PLEKHA7: variants seen among roughly 807,000 people sequenced by gnomAD.
PLEKHA7 encodes pleckstrin homology domain-containing family A member 7.
A neutral mutation model predicts 170.0 loss-of-function variants in PLEKHA7; 104 were observed. That is an observed-to-expected ratio of 0.61 (90% CI 0.52 to 0.72). The LOEUF (loss-of-function observed/expected upper bound fraction) is 0.72. Among genes scored for constraint, PLEKHA7 ranks in the 30% least tolerant of loss-of-function variants. The probability of loss-of-function intolerance (pLI) is 0.00; values close to 1 mark genes in which losing one functional copy is unlikely to be tolerated. For missense variants in PLEKHA7, 1,615 were observed against 1,671.7 expected, an observed-to-expected ratio of 0.97 and a Z score of 0.59; for synonymous variants, 648 against 660.8, an observed-to-expected ratio of 0.98 and a Z score of 0.30.
At chr11:16,991,707 G>A (rs545252034) in intron 3 of PLEKHA7, among the ~76,000 whole-genome samples, 2 of 152,278 alleles carry the variant, frequency 1.3e-5, no homozygotes, top group South Asian at 2.1e-4. Flanking sequence ...CATGGGCCAC[G>A]AAGGATTCTG....
intron 13 of PLEKHA7, among the ~76,000 whole-genome samples, chr11:16,807,932 G>A (rs1849102850): frequency 6.6e-6 from 1 of 152,220 alleles, no homozygotes; most frequent in South Asian, 2.1e-4. Context: ...TATGCAGCCA[G>A]GATTGAGAAG....
At chr11:16,894,983 A>G (rs538871796) in intron 3 of PLEKHA7, among the ~76,000 whole-genome samples, 1 of 152,282 alleles carries the variant, frequency 6.6e-6, no homozygotes, top group Admixed American at 6.5e-5. Context: ...GAAACTGAGG[A>G]TCAGAAAAAT....
At chr11:16,953,074 G>A (rs1478662644) in intron 3 of PLEKHA7, among the ~76,000 whole-genome samples, 2 of 152,230 alleles carry the variant, frequency 1.3e-5, no homozygotes. Flanking sequence ...ACACAGGGAG[G>A]TCAAAGAAAA....
intron 3 of PLEKHA7, among the ~76,000 whole-genome samples, chr11:16,907,320 C>T (rs1397029762): frequency 1.0e-4 from 14 of 134,948 alleles, no homozygotes; most frequent in African/African-American, 1.7e-4. Flanking sequence ...CGCCTCTGCC[C>T]GGCCGCCCCT....
At chr11:16,995,567 A>G (rs1864291864) in intron 3 of PLEKHA7, among the ~76,000 whole-genome samples, 1 of 152,162 alleles carries the variant, frequency 6.6e-6, no homozygotes, top group Non-Finnish European at 1.5e-5. Context: ...AGTTAGTCAC[A>G]TGCCACCTGA....
At chr11:16,946,998 A>C (rs1861070537) in intron 3 of PLEKHA7, among the ~76,000 whole-genome samples, 1 of 152,178 alleles carries the variant, frequency 6.6e-6, no homozygotes, top group South Asian at 2.1e-4. Flanking sequence ...TGCTGGTTCC[A>C]AAACGCAGCT....
At chr11:16,911,090 T>C (rs1858214696) in intron 3 of PLEKHA7, among the ~76,000 whole-genome samples, 1 of 152,270 alleles carries the variant, frequency 6.6e-6, no homozygotes, top group Non-Finnish European at 1.5e-5. Context: ...TGTGCATTTT[T>C]AACAAGCACC....
chr11:16,820,624 G>A (rs1850138611), intron 10 of PLEKHA7, among the ~76,000 whole-genome samples: 1 of 152,182 alleles, frequency 6.6e-6, no homozygotes, highest in Non-Finnish European at 1.5e-5. Flanking sequence ...TGTTCATTCT[G>A]CCAGAAGCAA....
chr11:16,985,756 AG>A (rs1763824849), intron 3 of PLEKHA7, among the ~76,000 whole-genome samples: 1 of 152,250 alleles, frequency 6.6e-6, no homozygotes, highest in Non-Finnish European at 1.5e-5. Flanking sequence ...AGAGACAGAG[AG>A]ACATTACACA....
At chr11:16,892,434 GTTTT>G (rs1350582834) in intron 3 of PLEKHA7, among the ~76,000 whole-genome samples, 1 of 109,024 alleles carries the variant, frequency 9.2e-6, no homozygotes, top group African/African-American at 4.2e-5. Flanking sequence ...GTGTGTGTGT[GTTTT>G]GTTTTGTTTT....
intron 8 of PLEKHA7, among the ~76,000 whole-genome samples, chr11:16,850,089 G>T (rs1234641164): frequency 7.9e-5 from 12 of 152,140 alleles, no homozygotes; most frequent in African/African-American, 2.9e-4. Context: ...TCACACCATG[G>T]ACACCACAGA....
chr11:16,821,566 T>C (rs1176996575), intron 10 of PLEKHA7, among the ~76,000 whole-genome samples: 1 of 152,216 alleles, frequency 6.6e-6, no homozygotes, highest in Admixed American at 6.5e-5. Context: ...CCCAATGTCT[T>C]AATGTGCTCA....
At chr11:16,806,670 T>C (rs979898408) in intron 13 of PLEKHA7, among the ~76,000 whole-genome samples, 2 of 152,226 alleles carry the variant, frequency 1.3e-5, no homozygotes, top group African/African-American at 4.8e-5. Flanking sequence ...GGTGGCATTT[T>C]ATTCTAGTCC....
At chr11:16,885,597 T>C (rs989170553) in intron 3 of PLEKHA7, among the ~76,000 whole-genome samples, 2 of 149,318 alleles carry the variant, frequency 1.3e-5, no homozygotes, top group Non-Finnish European at 3.0e-5. Context: ...TAAAGGAAGA[T>C]GACAAAAATT....
At chr11:17,002,515 T>G (rs1266802323) in intron 3 of PLEKHA7, among the ~76,000 whole-genome samples, 1 of 152,112 alleles carries the variant, frequency 6.6e-6, no homozygotes, top group Non-Finnish European at 1.5e-5. Flanking sequence ...GGTTCAAGTC[T>G]TAAACCCCTC....
At chr11:16,861,168 C>A (rs1006404718) in intron 4 of PLEKHA7, among the ~76,000 whole-genome samples, 4 of 152,080 alleles carry the variant, frequency 2.6e-5, no homozygotes, top group African/African-American at 9.7e-5. Context: ...TTGTTTAAAG[C>A]ACAGTAATTC....
At chr11:16,917,740 TG>T (rs1374050620) in intron 3 of PLEKHA7, among the ~76,000 whole-genome samples, 1 of 152,256 alleles carries the variant, frequency 6.6e-6, no homozygotes, top group Non-Finnish European at 1.5e-5. Context: ...TCACAGGTTC[TG>T]GGTATTAGCA....
intron 3 of PLEKHA7, among the ~76,000 whole-genome samples, chr11:16,971,822 G>T (rs569662824): frequency 7.3e-5 from 11 of 150,540 alleles, no homozygotes; most frequent in East Asian, 1.9e-4. Flanking sequence ...CATTTTCCTG[G>T]TTTTTTTTTC....
At chr11:16,810,140 GCTACACGAATTAGTATATT>G (rs1849267112) in intron 13 of PLEKHA7, among the ~76,000 whole-genome samples, 1 of 152,236 alleles carries the variant, frequency 6.6e-6, no homozygotes, top group Non-Finnish European at 1.5e-5. Context: ...GGGGCCCCTG[GCTACACGAATTAGTATATT>G]CCCTTTTCGA....
Sources: gnomAD v4.1 joint callset for allele counts (sites outside exome capture counted in the v4.1 genomes callset) on GRCh38, gnomAD v4.1.1 for gene constraint, MANE v1.5 for transcripts, NCBI Gene and HGNC (gene_info 2026-07-23, HGNC 2026-07-21) for gene names.